Variants in CSNK2A2IP observed in about 807,000 individuals in gnomAD.
CSNK2A2IP encodes the protein casein kinase 2 subunit alpha' interacting protein.
chr3:88,372,130 T>C, the CSNK2A2IP span, among the ~76,000 whole-genome samples: 1 of 151,692 alleles, frequency 6.6e-6, no homozygotes, highest in East Asian at 1.9e-4. Flanking sequence ...TATAGCTATC[T>C]CTTAATTTTC....
the CSNK2A2IP span, among the ~76,000 whole-genome samples, chr3:88,390,307 T>C: frequency 6.6e-6 from 1 of 152,160 alleles, no homozygotes; most frequent in African/African-American, 2.4e-5. Context: ...AGCATTTTGG[T>C]AAAGGTTAAA....
chr3:88,375,473 A>T, the CSNK2A2IP span, among the ~76,000 whole-genome samples: 5 of 151,590 alleles, frequency 3.3e-5, no homozygotes, highest in Admixed American at 3.3e-4. Context: ...ACTTGTGAAG[A>T]CTCTGGGATC....
the CSNK2A2IP span, among the ~76,000 whole-genome samples, chr3:88,339,477 C>A: frequency 6.6e-6 from 1 of 152,030 alleles, no homozygotes; most frequent in Non-Finnish European, 1.5e-5. Flanking sequence ...CACAGCTTGG[C>A]TATTGTGAGT....
the CSNK2A2IP span, among the ~76,000 whole-genome samples, chr3:88,460,364 T>C: frequency 6.6e-6 from 1 of 152,224 alleles, no homozygotes; most frequent in Non-Finnish European, 1.5e-5. Context: ...AGGCTCTTGT[T>C]AGTTCTATTT....
the CSNK2A2IP span, among the ~76,000 whole-genome samples, chr3:88,409,549 A>G: frequency 6.6e-6 from 1 of 150,826 alleles, no homozygotes; most frequent in Non-Finnish European, 1.5e-5. Context: ...ATTTTTTCTT[A>G]ATTCTCTGAG....
At chr3:88,425,835 C>A in the CSNK2A2IP span, among the ~76,000 whole-genome samples, 1 of 151,876 alleles carries the variant, frequency 6.6e-6, no homozygotes, top group East Asian at 1.9e-4. Flanking sequence ...GTTTTCTGAC[C>A]TTCATATTTA....
the CSNK2A2IP span, among the ~76,000 whole-genome samples, chr3:88,371,445 T>C: frequency 6.6e-6 from 1 of 151,678 alleles, no homozygotes; most frequent in African/African-American, 2.4e-5. Context: ...GGTTCAAAAG[T>C]AGATTGGAGA....
chr3:88,459,436 T>A, the CSNK2A2IP span, among the ~76,000 whole-genome samples: 1 of 152,226 alleles, frequency 6.6e-6, no homozygotes, highest in South Asian at 2.1e-4. Context: ...TATTATTGAT[T>A]CTATTAAGTT....
At chr3:88,418,162 C>T in the CSNK2A2IP span, among the ~76,000 whole-genome samples, 3 of 151,936 alleles carry the variant, frequency 2.0e-5, no homozygotes, top group Non-Finnish European at 2.9e-5. Flanking sequence ...GTATTAGATT[C>T]CTTATGGAAT....
the CSNK2A2IP span, among the ~76,000 whole-genome samples, chr3:88,439,719 C>T: frequency 1.2e-4 from 16 of 134,430 alleles, no homozygotes; most frequent in African/African-American, 2.0e-4. Context: ...TCCAGCCTAG[C>T]GACAGAGTGA....
chr3:88,393,333 C>G, the CSNK2A2IP span, among the ~76,000 whole-genome samples: 11 of 152,130 alleles, frequency 7.2e-5, no homozygotes, highest in East Asian at 2.1e-3. Context: ...ACTATAAGTA[C>G]GGAGAAAGTG....
chr3:88,358,986 C>CT, the CSNK2A2IP span, among the ~76,000 whole-genome samples: 1 of 147,476 alleles, frequency 6.8e-6, no homozygotes, highest in African/African-American at 2.5e-5. Context: ...TTCTGGGAGA[C>CT]TTTTTTGTCT....
chr3:88,379,772 A>T, the CSNK2A2IP span, among the ~76,000 whole-genome samples: 1 of 152,052 alleles, frequency 6.6e-6, no homozygotes, highest in Non-Finnish European at 1.5e-5. Flanking sequence ...ACAACATTTG[A>T]TTTTTTGTGT....
the CSNK2A2IP span, among the ~76,000 whole-genome samples, chr3:88,434,135 G>A: frequency 6.6e-6 from 1 of 152,062 alleles, no homozygotes; most frequent in African/African-American, 2.4e-5. Flanking sequence ...AGGAGATTGG[G>A]TAGTAAGGAT....
the CSNK2A2IP span, among the ~76,000 whole-genome samples, chr3:88,401,361 A>G: frequency 6.6e-6 from 1 of 152,110 alleles, no homozygotes; most frequent in Non-Finnish European, 1.5e-5. Flanking sequence ...TACATAACCT[A>G]TGATTATTTG....
the CSNK2A2IP span, among the ~76,000 whole-genome samples, chr3:88,348,523 CAT>C: frequency 2.0e-5 from 3 of 152,004 alleles, no homozygotes; most frequent in Admixed American, 6.6e-5. Context: ...TTAAGTGAAA[CAT>C]ATGATAAATC....
At chr3:88,390,324 G>T in the CSNK2A2IP span, among the ~76,000 whole-genome samples, 5,725 of 152,238 alleles carry the variant, frequency 0.038, 266 homozygotes, top group African/African-American at 0.11. Context: ...TAAACATCAG[G>T]TCATGAGATT....
At chr3:88,376,884 A>G in the CSNK2A2IP span, among the ~76,000 whole-genome samples, 1 of 151,638 alleles carries the variant, frequency 6.6e-6, no homozygotes, top group Admixed American at 6.6e-5. Flanking sequence ...GCAGCACTCA[A>G]TACTCTTGTT....
the CSNK2A2IP span, chr3:88,466,955 T>A: frequency 4.8e-4 from 589 of 1,231,324 alleles, no homozygotes; most frequent in Non-Finnish European, 5.7e-4. Context: ...TCATCTTGTC[T>A]CCCATTCCCT....
Sources: allele counts gnomAD v4.1 joint callset (sites outside exome capture counted in the v4.1 genomes callset), GRCh38; gene constraint gnomAD v4.1.1; transcripts MANE v1.5; gene names NCBI Gene and HGNC (gene_info 2026-07-23, HGNC 2026-07-21).